INPP5F: variants seen among roughly 807,000 people sequenced by gnomAD.
INPP5F encodes the protein inositol polyphosphate-5-phosphatase F, also known as phosphatidylinositide 4-phosphatase SAC2.
INPP5F carries 97 observed loss-of-function variants against 137.2 expected under a neutral mutation model. That is an observed-to-expected ratio of 0.71 (90% confidence interval 0.60 to 0.84). The LOEUF (loss-of-function observed/expected upper bound fraction) is 0.84, where lower values mean the gene tolerates loss of function less well. INPP5F is among the 40% of genes least tolerant of loss of function. INPP5F has a pLI of 0.00. For missense variants in INPP5F, 1,271 were observed against 1,371.9 expected (o/e 0.93, Z 1.16); for synonymous variants, 504 against 476.9 (o/e 1.06, Z -0.74).
chr10:119,804,770 G>A (rs1213682142), intron 10 of INPP5F, among the ~76,000 whole-genome samples: 1 of 151,764 alleles, frequency 6.6e-6, no homozygotes, highest in East Asian at 1.9e-4. Flanking sequence ...CGCCCAGGCT[G>A]AAGTGGAGTG....
Position 119,827,247 on chromosome 10 carries a change from ATGGATATTT to A in INPP5F, c.2867_2875del (p.Met956_Tyr959delinsAsn). 6.2e-7 allele frequency: 1 copy of A among 1,614,152 alleles called. No homozygotes were observed. The highest frequency in any genetic ancestry group is 8.5e-7 in the Non-Finnish European group (1 of 1,180,012). On this transcript the variant is annotated inframe_deletion, in exon 20 of 20. Coordinates refer to ENST00000650623, the MANE Select transcript of INPP5F (RefSeq NM_014937.4). ...CATATTGACTGGCTTTGCCAAGCCT[ATGGATATTT>A]ACTGCCACAGATTTGTGCAAGATGC...
At position 119,826,925 on chromosome 10, in the gene INPP5F, TGG is replaced by T; in HGVS notation, c.2547_2548del (p.Asp850HisfsTer5). 6.2e-7 allele frequency: 1 copy of T among 1,614,038 alleles called. No homozygotes were observed. The highest frequency in any genetic ancestry group is 8.5e-7 in the Non-Finnish European group (1 of 1,179,870). The part of the protein sequence containing the change: ...VMDKVQAESD[G>X]DMSSDNDSYH... ...TGGATAAGGTTCAGGCAGAGTCTGA[TGG>T]GGACATGTCTTCAGATAATGACTCA... On this transcript the variant is annotated frameshift_variant, in exon 20 of 20. Transcript: ENST00000650623. LOFTEE classifies it high-confidence loss of function.
chr10:119,824,364 A>G (rs551438559), intron 19 of INPP5F, among the ~76,000 whole-genome samples: 5 of 152,254 alleles, frequency 3.3e-5, no homozygotes, highest in African/African-American at 1.2e-4. Context: ...TTTCTTTCAT[A>G]ACTTTGACAT....
At chr10:119,751,767 A>G (rs965099083) in intron 2 of INPP5F, among the ~76,000 whole-genome samples, 1 of 152,128 alleles carries the variant, frequency 6.6e-6, no homozygotes, top group African/African-American at 2.4e-5. Flanking sequence ...ATGAAATTTT[A>G]TTTTTTCTTT....
chr10:119,740,806 G>C (rs1040250109), intron 1 of INPP5F, among the ~76,000 whole-genome samples: 2 of 152,208 alleles, frequency 1.3e-5, no homozygotes, highest in Non-Finnish European at 2.9e-5. Context: ...CTCCCAAAGT[G>C]CTGGGATTAC....
In INPP5F at chr10:119,804,260, C is replaced by T. The variant is rs1193085897; in HGVS notation, c.1204C>T (p.His402Tyr). ...GCAAGTGTTGCTTTTCAACAACTCA[C>T]ACCTCACTTACGTTTCGTTTGACTT... ...LKQVLLFNNSHLTYVSFDFHE... is the reference protein window; with the variant it reads ...LKQVLLFNNSYLTYVSFDFHE... The change falls in exon 10 of 20, where the codon CAC becomes TAC. Residue 402 changes from histidine (H) to tyrosine (Y), a missense_variant. His to Tyr is a moderately conservative substitution (Grantham distance 83). Around this residue, in one of 6 missense-constraint regions of INPP5F, gnomAD observed 593 missense variants for 712.4 expected, o/e 0.83. Transcript: ENST00000650623. 4.3e-6 allele frequency: 7 copies of T among 1,612,706 alleles called. No individual in the cohort carries two copies. Among genetic ancestry groups the T allele is most frequent in the Non-Finnish European group, 5.1e-6 (6 of 1,179,566 alleles).
At chr10:119,731,042 C>T (rs1434464765) in intron 1 of INPP5F, among the ~76,000 whole-genome samples, 2 of 152,134 alleles carry the variant, frequency 1.3e-5, no homozygotes, top group African/African-American at 4.8e-5. Flanking sequence ...CCGCCTCTGC[C>T]TCCCAAAGTG....
chr10:119,730,798 T>C (rs937679204), intron 1 of INPP5F, among the ~76,000 whole-genome samples: 12 of 152,184 alleles, frequency 7.9e-5, no homozygotes, highest in African/African-American at 2.9e-4. Flanking sequence ...TGAACTTTTT[T>C]TTTTTTTTGA....
chr10:119,814,231 A>T (rs1488390599), intron 15 of INPP5F, among the ~76,000 whole-genome samples: 1 of 151,996 alleles, frequency 6.6e-6, no homozygotes, highest in African/African-American at 2.4e-5. Flanking sequence ...CTCTACTAAA[A>T]ATAAAATTAG....
At chr10:119,776,794 A>T (rs1849537493) in intron 2 of INPP5F, among the ~76,000 whole-genome samples, 3 of 151,938 alleles carry the variant, frequency 2.0e-5, no homozygotes, top group Admixed American at 2.0e-4. Flanking sequence ...TCTGTCATCC[A>T]GGCTGGAGTA....
chr10:119,798,694 C>T lies in INPP5F; in HGVS notation c.1116+84C>T, dbSNP rs988967171. On this transcript the variant is annotated intron_variant, in intron 9 of 19. Coordinates refer to ENST00000650623, the MANE Select transcript of INPP5F (RefSeq NM_014937.4). ...TAAGTTTCATAAAAATAACATTGTA[C>T]TATTCAAAATTAAAGCATTTGTCAT... The T allele has an allele frequency of 5.1e-5, 42 of 822,148 alleles. No homozygotes were observed. The African/African-American group carries it at 6.9e-4, about 13-fold the overall frequency. The allele number at this position is 822,148 out of a possible 1,614,324, so 50.9% of individuals were successfully genotyped here. A position where few individuals can be genotyped will look rare whatever the true frequency, so the allele number is the denominator to read the frequency against.
At position 119,826,577 on chromosome 10, in the gene INPP5F, A is replaced by T. The variant is rs1012677621; in HGVS notation, c.2250-54A>T. 1.3e-5 allele frequency: 18 copies of T among 1,334,270 alleles called. No homozygotes were observed. In the Admixed American group the frequency reaches 1.4e-4, roughly 10 times the overall value. The allele number at this position is 1,334,270 out of a possible 1,614,324, so 82.7% of individuals were successfully genotyped here. ...GTTTTCACTTATGTTAATAACTGGAACTGGCATATTGGATTCCATGGGGAA... is the reference window on the plus strand; with the variant it reads ...GTTTTCACTTATGTTAATAACTGGATCTGGCATATTGGATTCCATGGGGAA... On this transcript the variant is annotated intron_variant, in intron 19 of 19. Transcript: ENST00000650623.
At chr10:119,790,873 C>A (rs1038405660) in intron 3 of INPP5F, among the ~76,000 whole-genome samples, 9 of 152,246 alleles carry the variant, frequency 5.9e-5, no homozygotes, top group Admixed American at 5.9e-4. Flanking sequence ...GCCGTATTCA[C>A]GCTCCCACGC....
chr10:119,744,402 C>T (rs1042143515), intron 1 of INPP5F, among the ~76,000 whole-genome samples: 1 of 152,178 alleles, frequency 6.6e-6, no homozygotes, highest in Admixed American at 6.5e-5. Context: ...TGCTTCTCTT[C>T]TCCATTTCTG....
At chr10:119,735,509 T>A (rs536340882) in intron 1 of INPP5F, among the ~76,000 whole-genome samples, 1 of 152,372 alleles carries the variant, frequency 6.6e-6, no homozygotes, top group East Asian at 1.9e-4. Flanking sequence ...CATGCCATCA[T>A]GCTCTCAATT....
In INPP5F at chr10:119,820,734, T is replaced by G. The variant is rs764597644; in HGVS notation, c.1887-112T>G. ...GAACTCATTGATTACCTTCTTCTTTTCCCTCCCCCTGGCCAATTTTTTGTC... is the reference window on the plus strand; with the variant it reads ...GAACTCATTGATTACCTTCTTCTTTGCCCTCCCCCTGGCCAATTTTTTGTC... On this transcript the variant is annotated intron_variant, in intron 15 of 19. Transcript: ENST00000650623. 4 of 740,390 alleles carry G rather than the reference T, an allele frequency of 5.4e-6. No homozygotes were observed. The African/African-American group carries it at 6.9e-5, about 13-fold the overall frequency. The allele number at this position is 740,390 out of a possible 1,614,324, so 45.9% of individuals were successfully genotyped here.
intron 10 of INPP5F, 24 bp downstream of exon 10, chr10:119,804,321 T>C (rs748036296): frequency 6.3e-7 from 1 of 1,582,264 alleles, no homozygotes; most frequent in Non-Finnish European, 8.6e-7. Context: ...CGGAGAATAG[T>C]GTTGATCAAT....
intron 1 of INPP5F, among the ~76,000 whole-genome samples, chr10:119,730,948 C>T (rs1258994948): frequency 6.6e-6 from 1 of 151,980 alleles, no homozygotes; most frequent in African/African-American, 2.4e-5. Context: ...CCACCACGCC[C>T]AGCTAATTTT....
rs1000078702 is a variant in INPP5F at position 119,823,718 on chromosome 10, C to T, written c.2162-97C>T. On this transcript the variant is annotated intron_variant, in intron 18 of 19. Transcript: ENST00000650623. ...GCAAATAAATTTGTATTTAATTATA[C>T]GACGACAAATTTCATTCAGCGCTAA... 2.9e-5 allele frequency: 23 copies of T among 801,542 alleles called. No homozygotes were observed. In the African/African-American group the frequency reaches 3.0e-4, roughly 11 times the overall value. 49.7% of individuals were successfully genotyped at this position (801,542 alleles called of 1,614,324 possible). A position where few individuals can be genotyped will look rare whatever the true frequency, so the allele number is the denominator to read the frequency against.
Sources: allele counts gnomAD v4.1 joint callset (sites outside exome capture counted in the v4.1 genomes callset), GRCh38; gene constraint gnomAD v4.1.1; regional missense constraint gnomAD v4.1.1; transcripts MANE v1.5; gene names NCBI Gene and HGNC (gene_info 2026-07-23, HGNC 2026-07-21).